The following PRDM16 variants were observed in gnomAD, a reference collection of about 807,000 sequenced individuals.
PRDM16 encodes the protein PR/SET domain 16, also known as histone-lysine N-methyltransferase PRDM16.
Under a neutral mutation model 110.6 loss-of-function variants are expected in PRDM16, and 23 were observed. The ratio of observed to expected loss-of-function variants is 0.21; its 90% CI spans 0.15 to 0.29. PRDM16 has a LOEUF of 0.29. Among genes scored for constraint, PRDM16 ranks in the 10% least tolerant of loss-of-function variants. PRDM16 has a pLI of 1.00. For synonymous variants in PRDM16, 799 were observed against 781.8 expected (o/e 1.02, Z -0.37); for missense variants, 1,615 against 1,794.3 (o/e 0.90, Z 1.81).
chr1:3,268,273 G>A (rs920513920), intron 3 of PRDM16, among the ~76,000 whole-genome samples: 6 of 152,234 alleles, frequency 3.9e-5, no homozygotes, highest in Non-Finnish European at 8.8e-5. Flanking sequence ...GGAAGGAGAA[G>A]GGCAGAGTCT....
chr1:3,144,804 A>G (rs917847387), intron 1 of PRDM16, among the ~76,000 whole-genome samples: 40 of 152,208 alleles, frequency 2.6e-4, no homozygotes, highest in African/African-American at 9.4e-4. Flanking sequence ...CCCTGAGACC[A>G]GAAAGCAGAG....
intron 10 of PRDM16, among the ~76,000 whole-genome samples, chr1:3,416,453 C>T (rs1294245018): frequency 4.6e-5 from 7 of 152,280 alleles, no homozygotes; most frequent in Admixed American, 6.5e-5. Context: ...CCAGAGGCAG[C>T]GAGCCCTATA....
chr1:3,180,576 G>A (rs1300519381), intron 1 of PRDM16, among the ~76,000 whole-genome samples: 1 of 152,174 alleles, frequency 6.6e-6, no homozygotes, highest in Non-Finnish European at 1.5e-5. Context: ...ACCCAGGCCA[G>A]CATCAGGAGG....
chr1:3,284,244 A>T (rs1004410457), intron 3 of PRDM16, among the ~76,000 whole-genome samples: 1 of 152,250 alleles, frequency 6.6e-6, no homozygotes, highest in African/African-American at 2.4e-5. Context: ...CCCAGACATT[A>T]TCTGCCTTTT....
rs1489850696 is a variant in PRDM16, at chr1:3,148,554, G to A, written c.38-37571G>A. ...TGGTGGCCCAGCCCTGGGGAGCAGC[G>A]TCAGGATTTTACAATCCAGGAGATG... On this transcript the variant is annotated intron_variant, in intron 1 of 16. Coordinates refer to ENST00000270722, the MANE Select transcript of PRDM16 (RefSeq NM_022114.4). The surrounding 1 kb of genome is among the most constrained non-coding windows in gnomAD (Gnocchi z 5.0). 6.6e-6 allele frequency among the ~76,000 whole-genome samples: 1 copy of A among 152,190 alleles called. No individual in the cohort carries two copies. The highest frequency in any genetic ancestry group is 2.4e-5 in the African/African-American group (1 of 41,446).
intron 1 of PRDM16, among the ~76,000 whole-genome samples, chr1:3,149,394 G>C (rs1235932531): frequency 6.6e-6 from 1 of 152,152 alleles, no homozygotes; most frequent in Non-Finnish European, 1.5e-5. Flanking sequence ...CTGAGCCCCG[G>C]GTGGGGGCAG....
At chr1:3,331,561 C>T (rs1642042650) in intron 3 of PRDM16, among the ~76,000 whole-genome samples, 1 of 152,200 alleles carries the variant, frequency 6.6e-6, no homozygotes, top group Non-Finnish European at 1.5e-5. Flanking sequence ...CCAGGAGGGA[C>T]TTCTCTGAGC....
chr1:3,095,221 A>G (rs1178625268), intron 1 of PRDM16, among the ~76,000 whole-genome samples: 2 of 152,222 alleles, frequency 1.3e-5, no homozygotes, highest in Non-Finnish European at 2.9e-5. Flanking sequence ...CCATGCTGGC[A>G]CTTGGTGACC....
rs946908729 is a variant in PRDM16 at position 3,140,611 on chromosome 1, G to A, written c.38-45514G>A. The stretch of plus-strand genomic sequence containing the variant: ...TTAAGGGCTATTTATCTTTTGCAGC[G>A]ATATTTTACCCTCAGAGCTGAGCTC... On this transcript the variant is annotated intron_variant, in intron 1 of 16. Coordinates refer to ENST00000270722, the MANE Select transcript of PRDM16 (RefSeq NM_022114.4). 6.6e-5 allele frequency among the ~76,000 whole-genome samples: 10 copies of A among 152,214 alleles called. No homozygotes were observed. In the East Asian group the frequency reaches 7.7e-4, roughly 12 times the overall value.
At chr1:3,283,195 T>G (rs1640753716) in intron 3 of PRDM16, among the ~76,000 whole-genome samples, 1 of 152,114 alleles carries the variant, frequency 6.6e-6, no homozygotes, top group Admixed American at 6.5e-5. Context: ...CCCTCCTGCT[T>G]GGGCTCCACA....
At position 3,370,752 on chromosome 1, in the gene PRDM16, A is replaced by G. The variant is rs766847522; in HGVS notation, c.439-14400A>G. ...CTCACCATACGAAGTTGGGGAAGCCATAAGTGTCTGGGCAAGTTGAGGGGA... is the reference window on the plus strand; with the variant it reads ...CTCACCATACGAAGTTGGGGAAGCCGTAAGTGTCTGGGCAAGTTGAGGGGA... On this transcript the variant is annotated intron_variant, in intron 3 of 16. Transcript: ENST00000270722. The surrounding 1 kb of genome is among the most constrained non-coding windows in gnomAD (Gnocchi z 4.8). Among the ~76,000 whole-genome samples the G allele has an allele frequency of 1.1e-4, 17 of 152,302 alleles. No homozygotes were observed. Among genetic ancestry groups the G allele is most frequent in the African/African-American group, 4.1e-4 (17 of 41,556 alleles).
At chr1:3,164,699 C>T (rs1643931154) in intron 1 of PRDM16, among the ~76,000 whole-genome samples, 1 of 152,120 alleles carries the variant, frequency 6.6e-6, no homozygotes, top group Non-Finnish European at 1.5e-5. Context: ...GCGAGGTGAC[C>T]TGCGAGGGAA....
chr1:3,180,354 T>A (rs376023920), intron 1 of PRDM16, among the ~76,000 whole-genome samples: 2 of 151,790 alleles, frequency 1.3e-5, no homozygotes, highest in Non-Finnish European at 2.9e-5. Context: ...ATTTTTGGAG[T>A]GGGTGTTCTT....
In PRDM16 at chr1:3,190,543, C is replaced by T. The variant is rs1248351392; in HGVS notation, c.387+4069C>T. On this transcript the variant is annotated intron_variant, in intron 2 of 16. Coordinates refer to ENST00000270722, the MANE Select transcript of PRDM16 (RefSeq NM_022114.4). The surrounding 1 kb of genome is among the most constrained non-coding windows in gnomAD (Gnocchi z 5.0). ...TGCCCTGAGTCAGATGCCCCACCCC[C>T]GACCTGGGGGCTCACTCTGTGCATG... Among the ~76,000 whole-genome samples the T allele has an allele frequency of 6.6e-6, 1 of 152,132 alleles. No homozygotes were observed. The highest frequency in any genetic ancestry group is 1.5e-5 in the Non-Finnish European group (1 of 68,034).
At chr1:3,409,914 GGTGTGT>G (rs34133894) in intron 8 of PRDM16, among the ~76,000 whole-genome samples, 4 of 127,278 alleles carry the variant, frequency 3.1e-5, no homozygotes, top group Non-Finnish European at 4.8e-5. Flanking sequence ...TTGTGGGTGT[GGTGTGT>G]GTGTATGTGC....
intron 6 of PRDM16, 38 bp downstream of exon 6, chr1:3,403,036 T>C: frequency 8.4e-7 from 1 of 1,184,916 alleles, no homozygotes; most frequent in Non-Finnish European, 1.1e-6. Context: ...CCCCTTCCCG[T>C]ACCCTCCTCT....
chr1:3,165,575 A>G (rs1355799277), intron 1 of PRDM16, among the ~76,000 whole-genome samples: 1 of 114,536 alleles, frequency 8.7e-6, no homozygotes, highest in African/African-American at 4.1e-5. Flanking sequence ...GCTCAGGGAC[A>G]GGGACTCACC....
At position 3,081,494 on chromosome 1, in the gene PRDM16, G is replaced by A. The variant is rs1642028132; in HGVS notation, c.37+12198G>A. 6.6e-6 allele frequency among the ~76,000 whole-genome samples: 1 copy of A among 152,154 alleles called. No homozygotes were observed. The highest frequency in any genetic ancestry group is 2.1e-4 in the South Asian group (1 of 4,830). ...CGTGTGAGGAGCAGGGCTGAGGTGG[G>A]GAGAACGCCGACTTGCATTTTCTGA... On this transcript the variant is annotated intron_variant, in intron 1 of 16. Coordinates refer to ENST00000270722, the MANE Select transcript of PRDM16 (RefSeq NM_022114.4). The surrounding 1 kb of genome is among the most constrained non-coding windows in gnomAD (Gnocchi z 4.6).
chr1:3,436,247 G>A lies in PRDM16; in HGVS notation c.*2436G>A, dbSNP rs986861968. On this transcript the variant is annotated 3_prime_UTR_variant, in exon 17 of 17. Transcript: ENST00000270722. ...CCCGTCTCTCTGAAGTGGGACATTC[G>A]GACGGATGGAGCCCTCAGCGTGTCT... is the stretch of plus-strand genomic sequence containing the variant. 5.2e-5 allele frequency: 12 copies of A among 229,702 alleles called. No homozygotes were observed. The highest frequency in any genetic ancestry group is 2.5e-4 in the East Asian group (4 of 16,288). 14.2% of individuals were successfully genotyped at this position (229,702 alleles called of 1,614,324 possible).
Sources: gnomAD v4.1 joint callset for allele counts (sites outside exome capture counted in the v4.1 genomes callset) on GRCh38, gnomAD v4.1.1 for gene constraint, Gnocchi (gnomAD v3.1) non-coding constraint, MANE v1.5 for transcripts, NCBI Gene and HGNC (gene_info 2026-07-23, HGNC 2026-07-21) for gene names.